Variants in SH2D3C observed in about 807,000 individuals in gnomAD.
The protein encoded by SH2D3C is SH2 domain containing 3C.
In SH2D3C, 25 loss-of-function variants were observed where a neutral mutation model predicts 75.2. The ratio of observed to expected loss-of-function variants is 0.33; its 90% CI spans 0.24 to 0.46. SH2D3C has a LOEUF of 0.46. Ranked by LOEUF, SH2D3C falls within the 20% of genes least tolerant of loss-of-function variation. The pLI is 1.00. For synonymous variants in SH2D3C, 450 were observed against 473.7 expected, an observed-to-expected ratio of 0.95 and a Z score of 0.65; for missense variants, 933 against 1,165.3, an observed-to-expected ratio of 0.80 and a Z score of 2.90.
chr9:127,775,617 G>A (rs1845797944), intron 1 of SH2D3C, among the ~76,000 whole-genome samples: 1 of 149,188 alleles, frequency 6.7e-6, no homozygotes, highest in Non-Finnish European at 1.5e-5. Context: ...ACAAGAGTGA[G>A]ACTCCATCTC....
At chr9:127,767,173 G>A (rs866886623) in intron 2 of SH2D3C, 1 of 1,534,662 alleles carries the variant, frequency 6.5e-7, no homozygotes, top group Non-Finnish European at 8.7e-7. Flanking sequence ...GCTCAGGACG[G>A]GCGACAGCCT....
At chr9:127,741,665 G>A (rs1844859741) in intron 9 of SH2D3C, 123 bp downstream of exon 9, 3 of 1,222,364 alleles carry the variant, frequency 2.5e-6, no homozygotes, top group Admixed American at 2.8e-5. Context: ...CTCCCGGGTA[G>A]TCTCACCAAT....
rs1331435122 is a variant in SH2D3C, at chr9:127,744,647, C to T, written c.1717G>A (p.Gly573Ser). ...AGCTCCTTGACCTTGCGCAGAAGGCCCACCTCCAGTGGCCGGTTATCCCTG... is the reference window on the plus strand; with the variant it reads ...AGCTCCTTGACCTTGCGCAGAAGGCTCACCTCCAGTGGCCGGTTATCCCTG... The part of the protein sequence containing the change: ...IPRDNRPLEV[G>S]LLRKVKELLA... Residue 573 changes from glycine (G) to serine (S), a missense_variant, in exon 7 of 12, where the codon GGC (glycine) becomes AGC (serine). Coordinates refer to ENST00000314830, the MANE Select transcript of SH2D3C (RefSeq NM_170600.3). The T allele has an allele frequency of 1.2e-6, 2 of 1,614,088 alleles. No homozygotes were observed. The highest frequency in any genetic ancestry group is 1.7e-6 in the Non-Finnish European group (2 of 1,180,036).
At position 127,749,505 on chromosome 9, in the gene SH2D3C, T is replaced by C; in HGVS notation, c.845A>G (p.Gln282Arg). The C allele has an allele frequency of 1.2e-6, 2 of 1,614,200 alleles. No individual in the cohort carries two copies. The highest frequency in any genetic ancestry group is 1.3e-5 in the African/African-American group (1 of 75,076). ...AAAGCTCTCCTGCTCAAACAGGTAC[T>C]GGATGTGTGTGTAGCTCTCGCCTGC... Reference protein sequence around the residue: ...VKAGESYTHIQYLFEQESFDH... With the variant: ...VKAGESYTHIRYLFEQESFDH... The change falls in exon 5 of 12, where the codon CAG becomes CGG. Residue 282 changes from glutamine to arginine, a missense_variant. Physicochemically the swap from Gln to Arg is conservative, Grantham distance 43 (BLOSUM62 1). Transcript: ENST00000314830. This position sits in a 1 kb window ranked among gnomAD's most constrained non-coding sequence, Gnocchi z 5.9.
intron 3 of SH2D3C, among the ~76,000 whole-genome samples, chr9:127,758,719 T>G (rs905744715): frequency 6.6e-6 from 1 of 152,216 alleles, no homozygotes; most frequent in Admixed American, 6.5e-5. Flanking sequence ...TTTCTAGCAT[T>G]TCATACATGG....
intron 2 of SH2D3C, among the ~76,000 whole-genome samples, chr9:127,765,322 C>T (rs1041258943): frequency 4.6e-5 from 7 of 152,244 alleles, no homozygotes; most frequent in Admixed American, 4.6e-4. Context: ...CGCATTTCCT[C>T]TCATGCAGGG....
At chr9:127,763,942 A>T (rs1845584366) in intron 2 of SH2D3C, among the ~76,000 whole-genome samples, 2 of 152,160 alleles carry the variant, frequency 1.3e-5, no homozygotes, top group Admixed American at 6.5e-5. Flanking sequence ...GTCCAGCAGC[A>T]GTGGGAGTGA....
chr9:127,755,007 T>C, intron 3 of SH2D3C: 1 of 755,378 alleles, frequency 1.3e-6, no homozygotes, highest in Non-Finnish European at 1.7e-6. Flanking sequence ...CCCGGCTGGC[T>C]CTAGGGCCCC....
At chr9:127,775,671 A>G (rs113835437) in intron 1 of SH2D3C, among the ~76,000 whole-genome samples, 6,008 of 146,308 alleles carry the variant, frequency 0.041, 422 homozygotes, top group African/African-American at 0.14. Flanking sequence ...TTAGCTGGAC[A>G]TGCTGGTGTG....
intron 3 of SH2D3C, chr9:127,755,001 G>A (rs1483073985): frequency 1.4e-6 from 1 of 703,774 alleles, no homozygotes; most frequent in Non-Finnish European, 1.9e-6. Context: ...CAGCTCCCCG[G>A]CTGGCTCTAG....
chr9:127,738,617 G>A lies in SH2D3C; in HGVS notation c.*129C>T, dbSNP rs1844754106. Reference sequence around the variant, plus strand: ...CCACGCAGGACCCTGGAGGTGCAAGGGAGATGCTTGAGTTGAACCCAGAAC... The same window carrying A: ...CCACGCAGGACCCTGGAGGTGCAAGAGAGATGCTTGAGTTGAACCCAGAAC... On this transcript the variant is annotated 3_prime_UTR_variant, in exon 12 of 12. Coordinates refer to ENST00000314830, the MANE Select transcript of SH2D3C (RefSeq NM_170600.3). The surrounding 1 kb of genome is among the most constrained non-coding windows in gnomAD (Gnocchi z 5.0). The A allele has an allele frequency of 1.0e-6, 1 of 992,722 alleles. No individual in the cohort carries two copies. Among genetic ancestry groups the A allele is most frequent in the African/African-American group, 1.7e-5 (1 of 59,752 alleles). 61.5% of individuals were successfully genotyped at this position (992,722 alleles called of 1,614,324 possible). A position where few individuals can be genotyped will look rare whatever the true frequency, so the allele number is the denominator to read the frequency against.
At chr9:127,767,414 C>A (rs770641261) in intron 2 of SH2D3C, 60 of 1,033,784 alleles carry the variant, frequency 5.8e-5, no homozygotes, top group Non-Finnish European at 7.5e-5. Context: ...AGACTAGAAC[C>A]AGATGGCCTG....
chr9:127,772,638 G>A (rs555497155), intron 2 of SH2D3C, among the ~76,000 whole-genome samples: 19 of 152,200 alleles, frequency 1.2e-4, no homozygotes, highest in East Asian at 7.7e-4. Flanking sequence ...TTGAAAAGCC[G>A]GGGACTCCTT....
Position 127,749,317 on chromosome 9 carries a change from C to G in SH2D3C, c.1033G>C (p.Val345Leu). The G allele has an allele frequency of 1.2e-6, 2 of 1,611,888 alleles. No individual in the cohort carries two copies. Among genetic ancestry groups the G allele is most frequent in the Non-Finnish European group, 1.7e-6 (2 of 1,178,986 alleles). The change falls in exon 5 of 12, where the codon GTC (valine) becomes CTC (leucine). Residue 345 changes from valine to leucine, a missense_variant. Coordinates refer to ENST00000314830, the MANE Select transcript of SH2D3C (RefSeq NM_170600.3). This position sits in a 1 kb window ranked among gnomAD's most constrained non-coding sequence, Gnocchi z 5.9. Reference protein sequence around the residue: ...GQGSSKPASPVSPSGPKGSHM... With the variant: ...GQGSSKPASPLSPSGPKGSHM... ...CTGCCCTTGGGGCCTGAGGGGCTGA[C>G]GGGGCTAGCAGGCTTGCTACTCCCC...
At chr9:127,758,157 A>G (rs1440775514) in intron 3 of SH2D3C, among the ~76,000 whole-genome samples, 1 of 151,754 alleles carries the variant, frequency 6.6e-6, no homozygotes, top group Non-Finnish European at 1.5e-5. Flanking sequence ...TATTTTTTCT[A>G]GAGACAGGAT....
intron 3 of SH2D3C, among the ~76,000 whole-genome samples, chr9:127,760,648 T>G (rs1206306584): frequency 6.6e-6 from 1 of 151,996 alleles, no homozygotes; most frequent in East Asian, 1.9e-4. Context: ...GGCAAGTCAC[T>G]GCACTTCTCT....
chr9:127,753,129 G>A (rs992760913), intron 3 of SH2D3C, among the ~76,000 whole-genome samples: 1 of 152,102 alleles, frequency 6.6e-6, no homozygotes, highest in South Asian at 2.1e-4. Context: ...TCAGGGAGCT[G>A]GGGTTTATCT....
chr9:127,767,429 C>G, intron 2 of SH2D3C: 1 of 463,382 alleles, frequency 2.2e-6, no homozygotes, highest in Middle Eastern at 1.1e-3. Context: ...GGCCTGATGT[C>G]TAATTCCCTG....
chr9:127,764,162 C>T (rs1837020871), intron 2 of SH2D3C, among the ~76,000 whole-genome samples: 1 of 152,136 alleles, frequency 6.6e-6, no homozygotes, highest in Non-Finnish European at 1.5e-5. Context: ...AGACAGGGTG[C>T]CTGCACAAGA....
Sources: allele counts gnomAD v4.1 joint callset (sites outside exome capture counted in the v4.1 genomes callset), GRCh38; gene constraint gnomAD v4.1.1; non-coding constraint Gnocchi (gnomAD v3.1); transcripts MANE v1.5; gene names NCBI Gene and HGNC (gene_info 2026-07-23, HGNC 2026-07-21).